The following FAM168A variants were observed in gnomAD, a reference collection of about 807,000 sequenced individuals.
FAM168A encodes the protein family with sequence similarity 168 member A.
In FAM168A, 3 loss-of-function variants were observed where a neutral mutation model predicts 28.5. The ratio of observed to expected loss-of-function variants is 0.11; its 90% CI spans 0.05 to 0.27. The LOEUF is 0.27. Among genes scored for constraint, FAM168A ranks in the 10% least tolerant of loss-of-function variants. The pLI, the probability that FAM168A is intolerant of heterozygous loss-of-function variation, is 1.00. For missense variants in FAM168A, 222 were observed against 311.5 expected, an observed-to-expected ratio of 0.71 and a Z score of 2.16; for synonymous variants, 122 against 124.2, an observed-to-expected ratio of 0.98 and a Z score of 0.12.
At chr11:73,585,836 C>G (rs948818903) in intron 1 of FAM168A, among the ~76,000 whole-genome samples, 4 of 145,806 alleles carry the variant, frequency 2.7e-5, no homozygotes, top group African/African-American at 1.0e-4. Context: ...CCACTGCACT[C>G]CACCCTGGGT....
At chr11:73,521,370 C>T (rs1490220525) in intron 1 of FAM168A, among the ~76,000 whole-genome samples, 1 of 152,124 alleles carries the variant, frequency 6.6e-6, no homozygotes, top group Non-Finnish European at 1.5e-5. Context: ...ACCTACCCTA[C>T]TACCCTACCC....
intron 1 of FAM168A, among the ~76,000 whole-genome samples, chr11:73,519,694 A>C (rs76468798): frequency 0.08 from 12,179 of 152,180 alleles, 566 homozygotes; most frequent in Admixed American, 0.11. Context: ...AAAGCTTGAC[A>C]GGCTCTCAGA....
At chr11:73,496,761 C>T (rs1283336050) in intron 1 of FAM168A, among the ~76,000 whole-genome samples, 2 of 151,946 alleles carry the variant, frequency 1.3e-5, no homozygotes, top group African/African-American at 2.4e-5. Flanking sequence ...GGGGTTTCAC[C>T]GTGTTAGCCA....
chr11:73,471,801 AG>A (rs1590801478), intron 1 of FAM168A, among the ~76,000 whole-genome samples: 5 of 152,272 alleles, frequency 3.3e-5, no homozygotes. Flanking sequence ...GCTAGTTGGG[AG>A]GGGGAAGAAA....
At chr11:73,533,564 G>T (rs1943541481) in intron 1 of FAM168A, among the ~76,000 whole-genome samples, 1 of 128,004 alleles carries the variant, frequency 7.8e-6, no homozygotes, top group African/African-American at 4.0e-5. Context: ...AAGGAGAAAA[G>T]GCCAAAAAAA....
At chr11:73,517,112 C>A in intron 1 of FAM168A, among the ~76,000 whole-genome samples, 1 of 152,170 alleles carries the variant, frequency 6.6e-6, no homozygotes, top group East Asian at 1.9e-4. Context: ...TGCAGTGGCA[C>A]AATCACAGCT....
chr11:73,506,361 C>CA (rs968159919), intron 1 of FAM168A, among the ~76,000 whole-genome samples: 1 of 151,514 alleles, frequency 6.6e-6, no homozygotes, highest in Non-Finnish European at 1.5e-5. Context: ...GTGGCGCAAT[C>CA]AGTTAGCACA....
At chr11:73,569,450 T>C (rs904548038) in intron 1 of FAM168A, among the ~76,000 whole-genome samples, 1 of 152,218 alleles carries the variant, frequency 6.6e-6, no homozygotes, top group Non-Finnish European at 1.5e-5. Context: ...GAAAGATTTT[T>C]AGGGTTACCT....
At chr11:73,542,519 A>T (rs1307521453) in intron 1 of FAM168A, among the ~76,000 whole-genome samples, 2 of 152,132 alleles carry the variant, frequency 1.3e-5, no homozygotes, top group Non-Finnish European at 2.9e-5. Context: ...ACACTGACTC[A>T]AGTCTTCATT....
chr11:73,454,023 A>G (rs190205135), intron 2 of FAM168A, among the ~76,000 whole-genome samples: 89 of 152,328 alleles, frequency 5.8e-4, no homozygotes, highest in Admixed American at 5.6e-3. Flanking sequence ...GCTGGCTTTC[A>G]TGGTCTATTG....
intron 2 of FAM168A, among the ~76,000 whole-genome samples, chr11:73,465,482 G>A (rs1046042841): frequency 1.7e-4 from 20 of 120,400 alleles, no homozygotes; most frequent in Admixed American, 4.0e-4. Flanking sequence ...GTCAGCTTGA[G>A]CTGTCATAAC....
intron 1 of FAM168A, among the ~76,000 whole-genome samples, chr11:73,524,602 G>GTATA (rs111406872): frequency 6.6e-6 from 1 of 150,488 alleles, no homozygotes; most frequent in African/African-American, 2.4e-5. Context: ...ATATGTATGT[G>GTATA]TATATATATA....
chr11:73,432,190 G>A (rs1428265394), intron 2 of FAM168A, among the ~76,000 whole-genome samples: 1 of 152,146 alleles, frequency 6.6e-6, no homozygotes, highest in Non-Finnish European at 1.5e-5. Context: ...GGACGCCCAG[G>A]TTGTTTCTAC....
intron 1 of FAM168A, among the ~76,000 whole-genome samples, chr11:73,487,739 A>G (rs1447039607): frequency 6.6e-6 from 1 of 152,030 alleles, no homozygotes; most frequent in Non-Finnish European, 1.5e-5. Context: ...CTCTAATCTT[A>G]ATTTCAAATA....
chr11:73,477,371 C>T (rs1332162799), intron 1 of FAM168A, among the ~76,000 whole-genome samples: 2 of 151,028 alleles, frequency 1.3e-5, no homozygotes, highest in Non-Finnish European at 3.0e-5. Flanking sequence ...AAATAAAAGT[C>T]AAGGGGGAAG....
At chr11:73,494,742 T>A (rs1256089337) in intron 1 of FAM168A, among the ~76,000 whole-genome samples, 1 of 152,202 alleles carries the variant, frequency 6.6e-6, no homozygotes, top group African/African-American at 2.4e-5. Flanking sequence ...AGGTCATGCC[T>A]GTAATCCAGC....
At chr11:73,556,615 T>C (rs1943893920) in intron 1 of FAM168A, among the ~76,000 whole-genome samples, 2 of 151,802 alleles carry the variant, frequency 1.3e-5, no homozygotes, top group South Asian at 2.1e-4. Context: ...GTTTTAGAGA[T>C]AGTTGACAGT....
intron 2 of FAM168A, among the ~76,000 whole-genome samples, chr11:73,464,337 A>C (rs927661257): frequency 4.0e-5 from 6 of 148,846 alleles, no homozygotes; most frequent in African/African-American, 1.5e-4. Context: ...GTGGGGGGGA[A>C]AACAAACACT....
At chr11:73,449,592 T>G (rs1442677094) in intron 2 of FAM168A, among the ~76,000 whole-genome samples, 1 of 152,232 alleles carries the variant, frequency 6.6e-6, no homozygotes, top group Non-Finnish European at 1.5e-5. Flanking sequence ...CCCTCTTGTC[T>G]GCATTTCAAT....
Sources: allele counts gnomAD v4.1 joint callset (sites outside exome capture counted in the v4.1 genomes callset), GRCh38; gene constraint gnomAD v4.1.1; transcripts MANE v1.5; gene names NCBI Gene and HGNC (gene_info 2026-07-23, HGNC 2026-07-21).